The following PIWIL2 variants were observed in gnomAD, a reference collection of about 807,000 sequenced individuals.
PIWIL2 encodes piwi-like protein 2.
A neutral mutation model predicts 116.5 loss-of-function variants in PIWIL2; 81 were observed. That is an observed-to-expected ratio of 0.70 (90% CI 0.58 to 0.84). The LOEUF (loss-of-function observed/expected upper bound fraction) is 0.84. Ranked by LOEUF, PIWIL2 falls within the 40% of genes least tolerant of loss-of-function variation. The pLI, the probability that PIWIL2 is intolerant of heterozygous loss-of-function variation, is 0.00. For missense variants in PIWIL2, 1,272 were observed against 1,212.3 expected (o/e 1.05, Z -0.73); for synonymous variants, 489 against 429.5 (o/e 1.14, Z -1.71).
At chr8:22,312,212 C>T (rs1831349697) in intron 16 of PIWIL2, among the ~76,000 whole-genome samples, 1 of 150,320 alleles carries the variant, frequency 6.7e-6, no homozygotes, top group African/African-American at 2.5e-5. Context: ...CTGCAGTGAG[C>T]TATGATCATG....
chr8:22,330,565 C>T (rs1028791074), intron 20 of PIWIL2, among the ~76,000 whole-genome samples: 20 of 151,486 alleles, frequency 1.3e-4, no homozygotes, highest in Non-Finnish European at 2.4e-4. Flanking sequence ...GGCGTAGTGG[C>T]GGGCACCTGT....
chr8:22,301,535 C>T (rs1361558882), intron 10 of PIWIL2, among the ~76,000 whole-genome samples: 3 of 152,056 alleles, frequency 2.0e-5, no homozygotes, highest in Non-Finnish European at 4.4e-5. Flanking sequence ...CTCAAGTGAT[C>T]CCCCCGCCTC....
chr8:22,328,235 T>A (rs1382545456), intron 20 of PIWIL2, among the ~76,000 whole-genome samples: 1 of 152,196 alleles, frequency 6.6e-6, no homozygotes, highest in Admixed American at 6.5e-5. Flanking sequence ...GAAAATCAAT[T>A]GTCATGGATG....
intron 10 of PIWIL2, among the ~76,000 whole-genome samples, chr8:22,299,441 C>T (rs964278254): frequency 2.6e-5 from 4 of 152,128 alleles, no homozygotes; most frequent in African/African-American, 9.7e-5. Context: ...CTCCTGACCT[C>T]AGGTGATCCA....
At chr8:22,315,316 T>G (rs1256391707) in intron 18 of PIWIL2, among the ~76,000 whole-genome samples, 171 bp downstream of exon 18, 2 of 152,350 alleles carry the variant, frequency 1.3e-5, no homozygotes, top group Admixed American at 6.5e-5. Flanking sequence ...TTGTTTGTTT[T>G]TTGTTTTTTG....
At position 22,310,010 on chromosome 8, in the gene PIWIL2, C is replaced by G. The variant is rs1338498212; in HGVS notation, c.1736C>G (p.Ser579Trp). ...PMERINLKNT[S>W]FITSQELNWV... ...GAAAGAATTAACTTAAAAAATACTT[C>G]GTTTATCACATCTCAGGAACTAAAC... is the stretch of plus-strand genomic sequence containing the variant. The change falls in exon 15 of 23, where the codon TCG becomes TGG. Residue 579 changes from serine to tryptophan, a missense_variant. Physicochemically the swap from Ser to Trp is radical, Grantham distance 177. Transcript: ENST00000356766. 2 of 1,611,540 alleles carry G rather than the reference C, an allele frequency of 1.2e-6. No homozygotes were observed. The highest frequency in any genetic ancestry group is 2.2e-5 in the East Asian group (1 of 44,836).
At chr8:22,317,142 C>T (rs1831479088) in intron 19 of PIWIL2, among the ~76,000 whole-genome samples, 1 of 152,216 alleles carries the variant, frequency 6.6e-6, no homozygotes, top group Non-Finnish European at 1.5e-5. Flanking sequence ...GAGCGACCTC[C>T]TCCAAGGCTG....
chr8:22,332,778 T>C lies in PIWIL2; in HGVS notation c.2403+14503T>C, dbSNP rs911107015. 3.3e-5 allele frequency among the ~76,000 whole-genome samples: 5 copies of C among 152,014 alleles called. No individual in the cohort carries two copies. In the East Asian group the frequency reaches 9.6e-4, roughly 29 times the overall value. ...CACTAGTGAAGGTGAAAAAAGACAT[T>C]GCATGGCAAATAAAAAATAGACTGT... is the stretch of plus-strand genomic sequence containing the variant. On this transcript the variant is annotated intron_variant, in intron 20 of 22. Coordinates refer to ENST00000356766, the MANE Select transcript of PIWIL2 (RefSeq NM_018068.5).
chr8:22,305,638 T>A (rs566952782), intron 12 of PIWIL2, among the ~76,000 whole-genome samples: 1 of 152,232 alleles, frequency 6.6e-6, no homozygotes, highest in African/African-American at 2.4e-5. Context: ...TCTTAACCAT[T>A]GTCTTGAGGC....
chr8:22,350,018 G>A lies in PIWIL2; in HGVS notation c.2404-2941G>A, dbSNP rs77574046. Reference sequence around the variant, plus strand: ...CTCCCAGTGGGTGATATATAAAGGCGTTTTTAGTCATAAGGGTGAGAGGTT... The same window carrying A: ...CTCCCAGTGGGTGATATATAAAGGCATTTTTAGTCATAAGGGTGAGAGGTT... On this transcript the variant is annotated intron_variant, in intron 20 of 22. Coordinates refer to ENST00000356766, the MANE Select transcript of PIWIL2 (RefSeq NM_018068.5). Among the ~76,000 whole-genome samples, 986 of 152,284 alleles carry A rather than the reference G, an allele frequency of 6.5e-3. 13 individuals are homozygous for A. The highest frequency in any genetic ancestry group is 0.023 in the African/African-American group (942 of 41,562).
Position 22,288,541 on chromosome 8 carries a change from G to C in PIWIL2, c.862-1G>C. The C allele has an allele frequency of 6.2e-7, 1 of 1,610,632 alleles. No homozygotes were observed. Among genetic ancestry groups the C allele is most frequent in the Non-Finnish European group, 8.5e-7 (1 of 1,177,810 alleles). ...TTCACCTGTGTGTATTTATTTGTTA[G>C]GTTCTTGAGTTAAAAAGTCAAAGGA... On this transcript the variant is annotated splice_acceptor_variant, in intron 7 of 22. Transcript: ENST00000356766. LOFTEE classifies it high-confidence loss of function.
At position 22,336,568 on chromosome 8, in the gene PIWIL2, A is replaced by G. The variant is rs75754036; in HGVS notation, c.2404-16391A>G. Among the ~76,000 whole-genome samples, 101 of 152,244 alleles carry G rather than the reference A, an allele frequency of 6.6e-4. 1 individual carries two copies. The East Asian group carries it at 0.018, about 27-fold the overall frequency. ...CAGCTTCCACCTTAAGGAACCAGAA[A>G]AGAACAACAGACTAAACCCAAAACA... On this transcript the variant is annotated intron_variant, in intron 20 of 22. Coordinates refer to ENST00000356766, the MANE Select transcript of PIWIL2 (RefSeq NM_018068.5).
chr8:22,339,971 G>A (rs75861903), intron 20 of PIWIL2, among the ~76,000 whole-genome samples: 9,178 of 151,456 alleles, frequency 0.061, 347 homozygotes, highest in Admixed American at 0.092. Context: ...ACTACAGACC[G>A]ATGTTTGTCA....
intron 10 of PIWIL2, among the ~76,000 whole-genome samples, chr8:22,302,158 G>C (rs1041256524): frequency 6.6e-6 from 1 of 151,680 alleles, no homozygotes; most frequent in African/African-American, 2.4e-5. Context: ...AATACATTTT[G>C]GCAAGTCTAG....
chr8:22,285,746 A>G (rs966756372), intron 6 of PIWIL2, among the ~76,000 whole-genome samples: 1 of 152,064 alleles, frequency 6.6e-6, no homozygotes, highest in Non-Finnish European at 1.5e-5. Flanking sequence ...GGTTCAAGCA[A>G]TTCTCTTGCC....
chr8:22,277,032 TA>T (rs199863565), intron 1 of PIWIL2, among the ~76,000 whole-genome samples: 6,127 of 121,502 alleles, frequency 0.05, 239 homozygotes, highest in African/African-American at 0.16. Flanking sequence ...TATATATATA[TA>T]TTTTTTTTTT....
At chr8:22,332,302 T>C (rs1831880317) in intron 20 of PIWIL2, among the ~76,000 whole-genome samples, 1 of 152,036 alleles carries the variant, frequency 6.6e-6, no homozygotes, top group Non-Finnish European at 1.5e-5. Context: ...ACAGTGAGAC[T>C]CTGTCTCTCA....
Position 22,354,378 on chromosome 8 carries a change from G to C in PIWIL2, c.2765G>C (p.Arg922Thr). The change falls in exon 22 of 23, where the codon AGG becomes ACG. Residue 922 changes from arginine to threonine, a missense_variant and splice_region_variant. Transcript: ENST00000356766. ...AACCTGAGCCCTGATCATATGCAGA[G>C]GTGGGCCCATCAGTAACTTACTCTT... is the stretch of plus-strand genomic sequence containing the variant. ...TANLSPDHMQ[R>T]LTFKLCHMYW... 1 of 1,587,260 alleles carries C rather than the reference G, an allele frequency of 6.3e-7. No individual in the cohort carries two copies. The highest frequency in any genetic ancestry group is 8.7e-7 in the Non-Finnish European group (1 of 1,155,498).
intron 19 of PIWIL2, 148 bp from the exon 20 acceptor site, chr8:22,318,022 T>C (rs971815276): frequency 3.5e-6 from 2 of 576,426 alleles, no homozygotes; most frequent in Non-Finnish European, 6.3e-6. Context: ...ATGTCACTGC[T>C]TGTTCTTACA....
Sources: gnomAD v4.1 joint callset for allele counts (sites outside exome capture counted in the v4.1 genomes callset) on GRCh38, gnomAD v4.1.1 for gene constraint, MANE v1.5 for transcripts, NCBI Gene and HGNC (gene_info 2026-07-23, HGNC 2026-07-21) for gene names.